The following ACP1 variants were observed in gnomAD, a reference collection of about 807,000 sequenced individuals.
ACP1 encodes the protein acid phosphatase 1, also known as low molecular weight phosphotyrosine protein phosphatase.
ACP1 carries 23 observed loss-of-function variants against 23.4 expected under a neutral mutation model. The ratio of observed to expected loss-of-function variants is 0.98; its 90% CI spans 0.71 to 1.39. The LOEUF is 1.39. Among genes scored for constraint, ACP1 ranks in the 40% most tolerant of loss-of-function variants. ACP1 has a pLI of 0.00. For missense variants in ACP1, 180 were observed against 197.7 expected, an observed-to-expected ratio of 0.91 and a Z score of 0.54; for synonymous variants, 72 against 67.2, an observed-to-expected ratio of 1.07 and a Z score of -0.35.
chr2:267,483 T>G (rs1007046526), intron 1 of ACP1, among the ~76,000 whole-genome samples: 1 of 152,122 alleles, frequency 6.6e-6, no homozygotes, highest in Non-Finnish European at 1.5e-5. Flanking sequence ...AGTAAAGACT[T>G]GAAGGAGGTG....
At chr2:273,573 G>A (rs1045667542) in intron 3 of ACP1, among the ~76,000 whole-genome samples, 2 of 152,176 alleles carry the variant, frequency 1.3e-5, no homozygotes, top group African/African-American at 2.4e-5. Context: ...AGAGCGGCCT[G>A]GTGGCCACAA....
chr2:277,301 C>G lies in ACP1; in HGVS notation c.474C>G (p.His158Gln). The G allele has an allele frequency of 6.2e-7, 1 of 1,612,600 alleles. No homozygotes were observed. The highest frequency in any genetic ancestry group is 8.5e-7 in the Non-Finnish European group (1 of 1,180,000). ...GCAGAGCGTTCTTGGAGAAGGCCCA[C>G]TGAGGCAGGTTCGTGCCCTGCTGCG... is the stretch of plus-strand genomic sequence containing the variant. ...RCCRAFLEKA[H>Q] Residue 158 changes from histidine (H) to glutamine (Q), a missense_variant, in exon 6 of 6, where the codon CAC becomes CAG. Coordinates refer to ENST00000272065, the MANE Select transcript of ACP1 (RefSeq NM_004300.4).
At chr2:276,857 T>G (rs1269896827) in intron 4 of ACP1, 123 bp from the exon 5 acceptor site, 2 of 649,666 alleles carry the variant, frequency 3.1e-6, no homozygotes, top group African/African-American at 3.7e-5. Flanking sequence ...GTGTTCCGTT[T>G]CATTTCAAAT....
In ACP1 at chr2:277,306, G is replaced by T. The variant is rs1259834543; in HGVS notation, c.*2G>T. The T allele has an allele frequency of 6.2e-7, 1 of 1,612,410 alleles. No individual in the cohort carries two copies. Among genetic ancestry groups the T allele is most frequent in the Admixed American group, 1.7e-5 (1 of 60,030 alleles). On this transcript the variant is annotated 3_prime_UTR_variant, in exon 6 of 6. Transcript: ENST00000272065. ...GCGTTCTTGGAGAAGGCCCACTGAG[G>T]CAGGTTCGTGCCCTGCTGCGGCCAG...
chr2:272,561 C>T (rs768563997), intron 3 of ACP1: 94 of 1,119,780 alleles, frequency 8.4e-5, no homozygotes, highest in Non-Finnish European at 5.6e-5. Context: ...TGGGGCTGAG[C>T]GGTGCTCTGT....
Position 272,041 on chromosome 2 carries a change from G to A in ACP1, c.122G>A (p.Arg41Lys). The change falls in exon 3 of 6, where the codon AGG becomes AAG. Residue 41 changes from arginine (R) to lysine (K), a missense_variant. This residue lies in a region of ACP1 where 132 missense variants were observed against 124.1 expected (regional missense o/e 1.06). Transcript: ENST00000272065. Reference protein sequence around the residue: ...VTDQNISENWRVDSAATSGYE... With the variant: ...VTDQNISENWKVDSAATSGYE... ...TCCATGTTTCTTCCCCTGCAGTGGA[G>A]GGTAGACAGCGCGGCAACTTCCGGG... The A allele has an allele frequency of 6.2e-7, 1 of 1,614,084 alleles. No homozygotes were observed. The highest frequency in any genetic ancestry group is 8.5e-7 in the Non-Finnish European group (1 of 1,180,008).
At chr2:267,385 GAA>G (rs1237270765) in intron 1 of ACP1, among the ~76,000 whole-genome samples, 4 of 152,186 alleles carry the variant, frequency 2.6e-5, no homozygotes, top group Non-Finnish European at 5.9e-5. Context: ...TGAAGATTAA[GAA>G]AAATAGAGCA....
At chr2:276,310 T>A (rs1003644435) in intron 4 of ACP1, among the ~76,000 whole-genome samples, 21 of 152,206 alleles carry the variant, frequency 1.4e-4, no homozygotes, top group African/African-American at 4.8e-4. Flanking sequence ...CAGTTCTCAT[T>A]CCTGCACCTA....
rs1287305002 is a variant in ACP1, at chr2:272,120, C to T, written c.201C>T (p.His67=). 13 of 1,614,062 alleles carry T rather than the reference C, an allele frequency of 8.1e-6. No individual in the cohort carries two copies. Among genetic ancestry groups the T allele is most frequent in the Middle Eastern group, 3.3e-4 (2 of 6,084 alleles). ...GAGGGCAGAGCTGCATGAAGAGGCA[C>T]GGCATTCCCATGAGCCACGTTGCCC... is the stretch of plus-strand genomic sequence containing the variant. ...DYRGQSCMKR[H]GIPMSHVARQ... is the part of the protein sequence containing the mutation. Residue 67 remains histidine (H), a synonymous_variant, in exon 3 of 6, where the codon CAC becomes CAT. Transcript: ENST00000272065.
At chr2:265,843 C>T (rs1572192416) in intron 1 of ACP1, among the ~76,000 whole-genome samples, 1 of 152,208 alleles carries the variant, frequency 6.6e-6, no homozygotes, top group Non-Finnish European at 1.5e-5. Flanking sequence ...CCTGCTCACA[C>T]CCTCGGGACA....
chr2:266,655 C>T (rs1202145253), intron 1 of ACP1, among the ~76,000 whole-genome samples: 3 of 152,208 alleles, frequency 2.0e-5, no homozygotes, highest in Non-Finnish European at 4.4e-5. Flanking sequence ...GCCACCTTAA[C>T]TAAGCATTTA....
At chr2:273,381 C>G (rs572487547) in intron 3 of ACP1, among the ~76,000 whole-genome samples, 2 of 152,374 alleles carry the variant, frequency 1.3e-5, no homozygotes, top group East Asian at 3.9e-4. Flanking sequence ...GATCCCTGTT[C>G]TGAGGTCTCA....
intron 1 of ACP1, among the ~76,000 whole-genome samples, chr2:269,977 C>T (rs1309166008): frequency 6.6e-6 from 1 of 152,164 alleles, no homozygotes; most frequent in African/African-American, 2.4e-5. Context: ...TCTTTTGTTA[C>T]AGGAGTATCT....
intron 4 of ACP1, chr2:275,612 A>C (rs1670148996): frequency 6.5e-6 from 1 of 154,998 alleles, no homozygotes; most frequent in African/African-American, 2.4e-5. Flanking sequence ...TTGTAAAAGA[A>C]GGAAGTGAGA....
chr2:276,393 C>A (rs1670176017), intron 4 of ACP1, among the ~76,000 whole-genome samples: 1 of 152,198 alleles, frequency 6.6e-6, no homozygotes, highest in Non-Finnish European at 1.5e-5. Flanking sequence ...GTACCTGACT[C>A]ATCAACTCAT....
intron 1 of ACP1, among the ~76,000 whole-genome samples, chr2:269,827 G>C (rs1440674443): frequency 6.6e-6 from 1 of 152,170 alleles, no homozygotes; most frequent in Non-Finnish European, 1.5e-5. Context: ...GGCCCTGCTG[G>C]GTTTCCCTCA....
In ACP1 at chr2:272,061, TC is replaced by T; in HGVS notation, c.144del (p.Tyr50MetfsTer3). The T allele has an allele frequency of 6.2e-7, 1 of 1,613,498 alleles. No individual in the cohort carries two copies. Among genetic ancestry groups the T allele is most frequent in the Non-Finnish European group, 8.5e-7 (1 of 1,179,952 alleles). ...ENWRVDSAATSGYEIGNPPDY... is the reference protein window; with the variant it reads ...ENWRVDSAATXGYEIGNPPDY... The stretch of plus-strand genomic sequence containing the variant: ...GTGGAGGGTAGACAGCGCGGCAACT[TC>T]CGGGTATGAGATAGGGAACCCCCCT... On this transcript the variant is annotated frameshift_variant, in exon 3 of 6. Coordinates refer to ENST00000272065, the MANE Select transcript of ACP1 (RefSeq NM_004300.4). LOFTEE classifies it high-confidence loss of function.
At chr2:265,059 C>T (rs766615813) in intron 1 of ACP1, 52 bp downstream of exon 1, 2 of 1,601,888 alleles carry the variant, frequency 1.2e-6, no homozygotes, top group South Asian at 1.1e-5. Flanking sequence ...AGAGTTGGAT[C>T]GGGCTTGTGC....
rs1484230338 is a variant in ACP1 at position 265,018 on chromosome 2, G to A, written c.43+11G>A. 3.3e-5 allele frequency: 54 copies of A among 1,612,300 alleles called. No individual in the cohort carries two copies. The highest frequency in any genetic ancestry group is 4.2e-5 in the Non-Finnish European group (50 of 1,179,306). On this transcript the variant is annotated intron_variant, in intron 1 of 5. Transcript: ENST00000272065. The stretch of plus-strand genomic sequence containing the variant: ...TGTTTGTGTGTCTGGGTAAGAGGGC[G>A]CCGACTTACTCATGTTCTGACGTCC...
Sources: gnomAD v4.1 joint callset for allele counts (sites outside exome capture counted in the v4.1 genomes callset) on GRCh38, gnomAD v4.1.1 for gene constraint, gnomAD v4.1.1 regional missense constraint, MANE v1.5 for transcripts, NCBI Gene and HGNC (gene_info 2026-07-23, HGNC 2026-07-21) for gene names.